SLC35D1: variants seen among roughly 807,000 people sequenced by gnomAD.
SLC35D1 encodes the protein solute carrier family 35 member D1.
A neutral mutation model predicts 46.7 loss-of-function variants in SLC35D1; 31 were observed. That is an observed-to-expected ratio of 0.66 (90% CI 0.50 to 0.90). SLC35D1 has a LOEUF of 0.90. Ranked by LOEUF, SLC35D1 falls within the 40% of genes least tolerant of loss-of-function variation. The probability of loss-of-function intolerance (pLI) is 0.00; values close to 1 mark genes in which losing one functional copy is unlikely to be tolerated. For missense variants in SLC35D1, 397 were observed against 426.2 expected, an observed-to-expected ratio of 0.93 and a Z score of 0.60; for synonymous variants, 195 against 164.6, an observed-to-expected ratio of 1.18 and a Z score of -1.41.
At chr1:67,039,526 CGT>C (rs1198992048) in intron 8 of SLC35D1, among the ~76,000 whole-genome samples, 1 of 54,736 alleles carries the variant, frequency 1.8e-5, no homozygotes, top group Non-Finnish European at 4.7e-5. Flanking sequence ...TGTGTGCGCG[CGT>C]GGGGGGTATT....
At chr1:66,997,537 T>TATATATATATATATATATAA (rs1247400741), downstream of SLC35D1, among the ~76,000 whole-genome samples, 1 of 133,314 alleles carries the variant, frequency 7.5e-6, no homozygotes, top group East Asian at 2.3e-4. Flanking sequence ...TATATATATA[T>TATATATATATATATATATAA]AACCCCTTTA....
chr1:67,013,353 C>T (rs1157661930), intron 10 of SLC35D1, among the ~76,000 whole-genome samples: 3 of 150,864 alleles, frequency 2.0e-5, no homozygotes, highest in African/African-American at 7.3e-5. Context: ...TCAAGACTAG[C>T]CTGGGCAACA....
chr1:67,034,594 C>T (rs1668085256), intron 8 of SLC35D1, among the ~76,000 whole-genome samples: 3 of 152,022 alleles, frequency 2.0e-5, no homozygotes, highest in Non-Finnish European at 4.4e-5. Flanking sequence ...TTGGTAGAGT[C>T]TTTAGGTTTT....
chr1:67,050,577 T>C (rs1403349911), intron 4 of SLC35D1, 73 bp from the exon 5 acceptor site: 4 of 1,203,360 alleles, frequency 3.3e-6, no homozygotes, highest in Non-Finnish European at 4.8e-6. Flanking sequence ...TCCAAATTGG[T>C]AGTTAAAATA....
At chr1:66,975,600 T>C in the SLC35D1 span, among the ~76,000 whole-genome samples, 14 of 152,150 alleles carry the variant, frequency 9.2e-5, no homozygotes, top group Non-Finnish European at 1.6e-4. Context: ...TCCTCAGTAT[T>C]TTATATATAT....
chr1:67,013,157 G>GATATATATATATATACGTATATAT (rs964691631), intron 10 of SLC35D1, among the ~76,000 whole-genome samples: 27 of 29,770 alleles, frequency 9.1e-4, no homozygotes, highest in African/African-American at 4.7e-3. Flanking sequence ...ATATCCTGGA[G>GATATATATATATATACGTATATAT]ATATATATAT....
intron 8 of SLC35D1, among the ~76,000 whole-genome samples, chr1:67,041,517 G>A (rs1482743541): frequency 2.6e-5 from 4 of 152,182 alleles, no homozygotes; most frequent in South Asian, 2.1e-4. Context: ...CTAGCCAGGG[G>A]AATCATTAGA....
At chr1:67,042,710 A>C (rs1645205356) in intron 7 of SLC35D1, among the ~76,000 whole-genome samples, 1 of 152,186 alleles carries the variant, frequency 6.6e-6, no homozygotes, top group African/African-American at 2.4e-5. Flanking sequence ...TCTTTCTAGA[A>C]CTGAATCAAG....
chr1:66,977,112 T>C, the SLC35D1 span, among the ~76,000 whole-genome samples: 5 of 151,834 alleles, frequency 3.3e-5, no homozygotes, highest in Non-Finnish European at 1.5e-5. Context: ...GTTTTAATCT[T>C]CTTTTTTTTT....
At chr1:67,053,230 C>A (rs1645330320) in intron 1 of SLC35D1, among the ~76,000 whole-genome samples, 1 of 151,940 alleles carries the variant, frequency 6.6e-6, no homozygotes, top group South Asian at 2.1e-4. Context: ...TTTCAGTCCG[C>A]TGCCTGCAAA....
chr1:67,052,721 T>C (rs780765804), intron 3 of SLC35D1, 50 bp downstream of exon 3: 55 of 1,586,600 alleles, frequency 3.5e-5, no homozygotes, highest in Middle Eastern at 1.7e-4. Context: ...AATATGTTAA[T>C]ACATACTGAC....
the SLC35D1 span, among the ~76,000 whole-genome samples, chr1:66,992,451 C>T: frequency 2.0e-5 from 3 of 152,190 alleles, no homozygotes; most frequent in Non-Finnish European, 4.4e-5. Context: ...CTGCCAAAGC[C>T]CAGATGCGGT....
downstream of SLC35D1, among the ~76,000 whole-genome samples, chr1:66,997,557 AT>A (rs1667254215): frequency 7.3e-6 from 1 of 136,208 alleles, no homozygotes; most frequent in Non-Finnish European, 1.6e-5. Context: ...AGATATAGAT[AT>A]ATCTGTGTGT....
rs1471022209 is a variant in SLC35D1 at position 66,999,692 on chromosome 1, A to G, written c.*4648T>C. On this transcript the variant is annotated 3_prime_UTR_variant, in exon 12 of 12. Transcript: ENST00000235345. ...TATTTTTAAAGAACAAAGCTTTAAA[A>G]AAAAAAAAACTACAACACTGTAAAC... is the stretch of plus-strand genomic sequence containing the variant. 1.3e-5 allele frequency: 2 copies of G among 152,098 alleles called. No individual in the cohort carries two copies. Among genetic ancestry groups the G allele is most frequent in the East Asian group, 3.8e-4 (2 of 5,212 alleles). The allele number at this position is 152,098 out of a possible 1,614,324, so 9.4% of individuals were successfully genotyped here. A position where few individuals can be genotyped will look rare whatever the true frequency, so the allele number is the denominator to read the frequency against.
chr1:66,998,372 C>T, downstream of SLC35D1, among the ~76,000 whole-genome samples: 1 of 151,966 alleles, frequency 6.6e-6, no homozygotes, highest in South Asian at 2.1e-4. Flanking sequence ...GCCTGTAATC[C>T]CAGTCACTCC....
At chr1:67,004,628 GAC>G (rs1175479964) in intron 11 of SLC35D1, among the ~76,000 whole-genome samples, 180 bp from the exon 12 acceptor site, 4 of 152,126 alleles carry the variant, frequency 2.6e-5, no homozygotes, top group Admixed American at 6.5e-5. Context: ...AACAGGCATT[GAC>G]ACATTAAATT....
chr1:67,014,554 C>T (rs1232184148), intron 10 of SLC35D1, among the ~76,000 whole-genome samples: 3 of 151,608 alleles, frequency 2.0e-5, no homozygotes, highest in Admixed American at 2.0e-4. Context: ...TAAGTTAGTA[C>T]TCACAAATTA....
downstream of SLC35D1, among the ~76,000 whole-genome samples, chr1:66,995,864 G>A (rs1220681333): frequency 1.3e-5 from 2 of 152,052 alleles, no homozygotes; most frequent in Non-Finnish European, 2.9e-5. Context: ...TGTGAACATT[G>A]TCCTCAAAAA....
Position 67,003,920 on chromosome 1 carries a change from T to C in SLC35D1, c.*420A>G, listed in dbSNP as rs1667392747. 1 of 207,272 alleles carries C rather than the reference T, an allele frequency of 4.8e-6. No homozygotes were observed. Among genetic ancestry groups the C allele is most frequent in the Admixed American group, 5.3e-5 (1 of 18,956 alleles). 12.8% of individuals were successfully genotyped at this position (207,272 alleles called of 1,614,324 possible). A position where few individuals can be genotyped will look rare whatever the true frequency, so the allele number is the denominator to read the frequency against. Reference sequence around the variant, plus strand: ...AGAAATTTCACATATTCGTCTGCATTTCCAGCAGAGGAAAGGCTAAACTGC... The same window carrying C: ...AGAAATTTCACATATTCGTCTGCATCTCCAGCAGAGGAAAGGCTAAACTGC... On this transcript the variant is annotated 3_prime_UTR_variant, in exon 12 of 12. Coordinates refer to ENST00000235345, the MANE Select transcript of SLC35D1 (RefSeq NM_015139.3).
Sources: allele counts gnomAD v4.1 joint callset (sites outside exome capture counted in the v4.1 genomes callset), GRCh38; gene constraint gnomAD v4.1.1; transcripts MANE v1.5; gene names NCBI Gene and HGNC (gene_info 2026-07-23, HGNC 2026-07-21).